FRYL: variants seen among roughly 807,000 people sequenced by gnomAD.
FRYL encodes FRY like transcription coactivator.
A neutral mutation model predicts 351.2 loss-of-function variants in FRYL; 150 were observed. The ratio of observed to expected loss-of-function variants is 0.43; its 90% CI spans 0.37 to 0.49. The LOEUF (loss-of-function observed/expected upper bound fraction) is 0.49. FRYL is among the 20% of genes least tolerant of loss of function. FRYL has a pLI of 0.00. For missense variants in FRYL, 3,036 were observed against 3,619.3 expected, an observed-to-expected ratio of 0.84 and a Z score of 4.13; for synonymous variants, 1,153 against 1,257.1, an observed-to-expected ratio of 0.92 and a Z score of 1.75.
chr4:48,557,354 T>C, intron 34 of FRYL, 99 bp downstream of exon 34: 1 of 1,447,224 alleles, frequency 6.9e-7, no homozygotes. Flanking sequence ...GATATTTGTT[T>C]GGTTATCACA....
rs573245997 is a variant in FRYL at position 48,711,844 on chromosome 4, C to T, written c.-383-1146G>A. 1.7e-3 allele frequency among the ~76,000 whole-genome samples: 255 copies of T among 152,300 alleles called. 1 individual carries two copies. Among genetic ancestry groups the T allele is most frequent in the African/African-American group, 6.0e-3 (248 of 41,558 alleles). On this transcript the variant is annotated intron_variant, in intron 1 of 63. Coordinates refer to ENST00000358350, the MANE Select transcript of FRYL (RefSeq NM_015030.2). The stretch of plus-strand genomic sequence containing the variant: ...AGTAGGGGCAGACTGACACCTCACA[C>T]GGCCGGGTACTCCTCTGAGACAAAA...
intron 15 of FRYL, among the ~76,000 whole-genome samples, chr4:48,595,313 T>A (rs1414048460): frequency 6.6e-6 from 1 of 152,218 alleles, no homozygotes; most frequent in African/African-American, 2.4e-5. Context: ...TAATGTAGAC[T>A]ATGAAAATAA....
At chr4:48,520,533 G>A (rs1486710763) in intron 55 of FRYL, 1 of 151,794 alleles carries the variant, frequency 6.6e-6, no homozygotes, top group Admixed American at 6.6e-5. Context: ...CTTATTTTTG[G>A]TCAGTCATTA....
rs1272352139 is a variant in FRYL at position 48,657,171 on chromosome 4, C to T, written c.-80-22681G>A. 4.0e-5 allele frequency among the ~76,000 whole-genome samples: 6 copies of T among 151,696 alleles called. No individual in the cohort carries two copies. In the East Asian group the frequency reaches 1.2e-3, roughly 29 times the overall value. ...TTTCTCAATCCTTTGATTACTAATC[C>T]TGTTTTTGTTTTGTTTTGAAATGGG... On this transcript the variant is annotated intron_variant, in intron 3 of 63. Coordinates refer to ENST00000358350, the MANE Select transcript of FRYL (RefSeq NM_015030.2).
intron 1 of FRYL, among the ~76,000 whole-genome samples, chr4:48,748,271 T>C (rs1247920045): frequency 6.6e-6 from 1 of 151,906 alleles, no homozygotes; most frequent in Non-Finnish European, 1.5e-5. Flanking sequence ...AAATAAAAAT[T>C]ATATATATGC....
chr4:48,540,878 G>C lies in FRYL; in HGVS notation c.5770C>G (p.Pro1924Ala), dbSNP rs201438301. ...STGQLNLSTS[P>A]INSSSYLGYN... ...CCCAAATAACTGCTACTATTAATGG[G>C]ACTTGTGCTTAGATTGAGTTGTCCA... The change falls in exon 46 of 64, where the codon CCC (proline) becomes GCC (alanine). Residue 1924 changes from proline to alanine, a missense_variant. Around this residue, in one of 7 missense-constraint regions of FRYL, gnomAD observed 1,987 missense variants for 2,311.7 expected, o/e 0.86. Coordinates refer to ENST00000358350, the MANE Select transcript of FRYL (RefSeq NM_015030.2). 3.2e-4 allele frequency: 514 copies of C among 1,613,610 alleles called. No homozygotes were observed. The highest frequency in any genetic ancestry group is 4.2e-4 in the Non-Finnish European group (500 of 1,179,836).
intron 1 of FRYL, among the ~76,000 whole-genome samples, chr4:48,756,938 ACT>A (rs1390608899): frequency 3.9e-5 from 6 of 152,232 alleles, no homozygotes; most frequent in Middle Eastern, 3.4e-3. Flanking sequence ...ACGGAGTGAG[ACT>A]CTGTCTCTAA....
At chr4:48,603,722 A>C (rs938180624) in intron 11 of FRYL, among the ~76,000 whole-genome samples, 1 of 152,170 alleles carries the variant, frequency 6.6e-6, no homozygotes, top group African/African-American at 2.4e-5. Context: ...ACATCTCTTA[A>C]CAGAAATAGT....
intron 26 of FRYL, among the ~76,000 whole-genome samples, chr4:48,571,427 C>T (rs989519056): frequency 2.0e-5 from 3 of 152,114 alleles, no homozygotes; most frequent in African/African-American, 7.2e-5. Context: ...ATTACTAGGT[C>T]CAAAGAACTA....
intron 4 of FRYL, among the ~76,000 whole-genome samples, chr4:48,623,806 T>TA (rs199832667): frequency 0.034 from 5,065 of 151,096 alleles, 90 homozygotes; most frequent in Admixed American, 0.048. Context: ...AAATATAAGT[T>TA]AAAAAAAAAC....
chr4:48,562,791 C>T, intron 32 of FRYL, 98 bp downstream of exon 32: 1 of 701,690 alleles, frequency 1.4e-6, no homozygotes, highest in Non-Finnish European at 2.5e-6. Context: ...ATAAATAAAG[C>T]TAAATACTAT....
chr4:48,600,879 G>A (rs1745557602), intron 13 of FRYL, among the ~76,000 whole-genome samples: 2 of 152,048 alleles, frequency 1.3e-5, no homozygotes, highest in African/African-American at 4.8e-5. Flanking sequence ...ATTTGGTCCT[G>A]GGAATTTTCA....
intron 5 of FRYL, among the ~76,000 whole-genome samples, chr4:48,622,173 AT>A (rs1750785343): frequency 6.6e-6 from 1 of 152,198 alleles, no homozygotes; most frequent in African/African-American, 2.4e-5. Context: ...AAAAATGGAA[AT>A]TGTCCTTAAA....
chr4:48,533,555 T>C (rs1560551614), intron 49 of FRYL, among the ~76,000 whole-genome samples: 1 of 152,240 alleles, frequency 6.6e-6, no homozygotes, highest in Non-Finnish European at 1.5e-5. Context: ...TTCTAAGTTC[T>C]GCTCTAGTGA....
At chr4:48,531,947 T>C (rs1014460317) in intron 49 of FRYL, among the ~76,000 whole-genome samples, 5 of 152,052 alleles carry the variant, frequency 3.3e-5, no homozygotes, top group Non-Finnish European at 7.4e-5. Context: ...ATATTTTGGC[T>C]ATTTTAAAAA....
chr4:48,658,084 C>A (rs1362276804), intron 3 of FRYL, among the ~76,000 whole-genome samples: 1 of 152,112 alleles, frequency 6.6e-6, no homozygotes, highest in East Asian at 1.9e-4. Flanking sequence ...GTAAATCTCA[C>A]AAAATATTGC....
In FRYL at chr4:48,711,235, C is replaced by T. The variant is rs540479715; in HGVS notation, c.-383-537G>A. 2.8e-4 allele frequency among the ~76,000 whole-genome samples: 42 copies of T among 152,286 alleles called. 3 individuals are homozygous for T. The East Asian group carries it at 5.2e-3, about 19-fold the overall frequency. On this transcript the variant is annotated intron_variant, in intron 1 of 63. Transcript: ENST00000358350. ...GCGCAGGTCAGTGGGTGCAGCGCACCGTGCGCGAGCCGAAGCAGGATGAGG... is the reference window on the plus strand; with the variant it reads ...GCGCAGGTCAGTGGGTGCAGCGCACTGTGCGCGAGCCGAAGCAGGATGAGG...
At chr4:48,653,420 C>A (rs1758128085) in intron 3 of FRYL, among the ~76,000 whole-genome samples, 1 of 151,908 alleles carries the variant, frequency 6.6e-6, no homozygotes, top group African/African-American at 2.4e-5. Context: ...CGTCCCACAC[C>A]CCGCCCCCCA....
At chr4:48,618,630 TATACTG>T (rs1750041307) in intron 7 of FRYL, 1 of 151,122 alleles carries the variant, frequency 6.6e-6, no homozygotes, top group Admixed American at 6.6e-5. Flanking sequence ...CACAGGCATT[TATACTG>T]ATCTGGAGTA....
Sources: allele counts gnomAD v4.1 joint callset (sites outside exome capture counted in the v4.1 genomes callset), GRCh38; gene constraint gnomAD v4.1.1; regional missense constraint gnomAD v4.1.1; transcripts MANE v1.5; gene names NCBI Gene and HGNC (gene_info 2026-07-23, HGNC 2026-07-21).